Variants in IGF2R observed in about 807,000 individuals in gnomAD.
The protein encoded by IGF2R is cation-independent mannose-6-phosphate receptor.
A neutral mutation model predicts 270.6 loss-of-function variants in IGF2R; 91 were observed. The ratio of observed to expected loss-of-function variants is 0.34; its 90% confidence interval spans 0.28 to 0.40. The LOEUF (loss-of-function observed/expected upper bound fraction) is 0.40, where lower values mean the gene tolerates loss of function less well. IGF2R is among the 10% of genes least tolerant of loss of function. IGF2R has a pLI of 1.00. For missense variants in IGF2R, 2,805 were observed against 3,188.3 expected (o/e 0.88, Z 2.90); for synonymous variants, 1,316 against 1,258.9 (o/e 1.05, Z -0.96).
intron 4 of IGF2R, among the ~76,000 whole-genome samples, chr6:160,014,384 T>G (rs1472213621): frequency 6.6e-6 from 1 of 152,220 alleles, no homozygotes; most frequent in Non-Finnish European, 1.5e-5. Flanking sequence ...TAGCAGGAAG[T>G]GGGAGGGTGT....
At chr6:160,097,541 G>A (rs575793748) in intron 45 of IGF2R, among the ~76,000 whole-genome samples, 4 of 152,298 alleles carry the variant, frequency 2.6e-5, no homozygotes, top group East Asian at 3.9e-4. Flanking sequence ...TGTTGACCAG[G>A]CTGGTCTTGA....
chr6:160,079,468 TTGCTCTTCCTCATGAACC>T, intron 37 of IGF2R, 94 bp from the exon 38 acceptor site: 1 of 712,384 alleles, frequency 1.4e-6, no homozygotes, highest in Non-Finnish European at 2.0e-6. Flanking sequence ...AGAGGAGTCT[TTGCTCTTCCTCATGAACC>T]TGCCTCCAGC....
chr6:160,029,324 A>G (rs1455452743), intron 6 of IGF2R, among the ~76,000 whole-genome samples: 2 of 151,974 alleles, frequency 1.3e-5, no homozygotes, highest in Non-Finnish European at 2.9e-5. Context: ...CACTTTAGAT[A>G]TTTGATTTTT....
rs1343715480 is a variant in IGF2R, at chr6:160,024,568, C to T, written c.514-4C>T. The T allele has an allele frequency of 1.2e-6, 2 of 1,613,928 alleles. No individual in the cohort carries two copies. Among genetic ancestry groups the T allele is most frequent in the Middle Eastern group, 3.3e-4 (2 of 6,026 alleles). ...AGACTCACTTTTTTCTTCCTCCCTTCCAGGTGCCATGCTATGTGTTTGATG... is the reference window on the plus strand; with the variant it reads ...AGACTCACTTTTTTCTTCCTCCCTTTCAGGTGCCATGCTATGTGTTTGATG... On this transcript the variant is annotated splice_polypyrimidine_tract_variant and splice_region_variant and intron_variant, in intron 4 of 47. Transcript: ENST00000356956.
At position 160,102,844 on chromosome 6, in the gene IGF2R, A is replaced by G. The variant is rs990428214; in HGVS notation, c.6995+173A>G. Among the ~76,000 whole-genome samples, 6 of 152,136 alleles carry G rather than the reference A, an allele frequency of 3.9e-5. No individual in the cohort carries two copies. Among genetic ancestry groups the G allele is most frequent in the Non-Finnish European group, 7.4e-5 (5 of 68,022 alleles). ...CAGTCCCCAGCGTTGTGGTTTTTAA[A>G]TGCCTGCATTTCTGTCTGACCAAGG... On this transcript the variant is annotated intron_variant, in intron 46 of 47. Coordinates refer to ENST00000356956, the MANE Select transcript of IGF2R (RefSeq NM_000876.4). This position sits in a 1 kb window ranked among gnomAD's most constrained non-coding sequence, Gnocchi z 4.5.
intron 29 of IGF2R, among the ~76,000 whole-genome samples, chr6:160,066,241 T>A (rs923445366): frequency 2.6e-5 from 4 of 152,036 alleles, no homozygotes; most frequent in African/African-American, 9.7e-5. Flanking sequence ...GGTCTCGAAC[T>A]CTTGACCTCG....
intron 39 of IGF2R, 103 bp from the exon 40 acceptor site, chr6:160,083,847 T>G: frequency 2.4e-6 from 2 of 828,178 alleles, no homozygotes; most frequent in Non-Finnish European, 4.0e-6. Flanking sequence ...AAAGCAATTG[T>G]TTAAAGTACA....
At chr6:160,065,802 GTGTGTGTGTGTGTATATA>G (rs1249422997) in intron 29 of IGF2R, among the ~76,000 whole-genome samples, 1 of 61,700 alleles carries the variant, frequency 1.6e-5, no homozygotes, top group African/African-American at 7.6e-5. Context: ...GTGTGTGTGT[GTGTGTGTGTGTGTATATA>G]TATATATATA....
At chr6:160,040,868 A>G (rs1777930487) in intron 11 of IGF2R, 144 bp downstream of exon 11, 2 of 772,372 alleles carry the variant, frequency 2.6e-6, no homozygotes, top group Non-Finnish European at 2.1e-6. Context: ...TGGCTGTGTG[A>G]ATTATTAGAA....
At chr6:160,016,740 A>G (rs534822590) in intron 4 of IGF2R, among the ~76,000 whole-genome samples, 19 of 152,374 alleles carry the variant, frequency 1.2e-4, no homozygotes, top group Admixed American at 6.5e-4. Flanking sequence ...TGTTTGAGAA[A>G]GTCACCACAC....
At chr6:160,064,094 T>C (rs561781993) in intron 27 of IGF2R, among the ~76,000 whole-genome samples, 18 of 152,338 alleles carry the variant, frequency 1.2e-4, no homozygotes, top group Admixed American at 8.5e-4. Context: ...TCAAAGTAGC[T>C]GGTGGTGAGT....
chr6:160,050,543 G>C lies in IGF2R; in HGVS notation c.2585G>C (p.Ser862Thr). ...AAGACCGGCCCGGTGGTTGAGGACA[G>C]CGGCAGCCTCCTTCTGGAATACGTG... is the stretch of plus-strand genomic sequence containing the variant. ...MAKTGPVVED[S>T]GSLLLEYVNG... The change falls in exon 19 of 48, where the codon AGC becomes ACC. Residue 862 changes from serine to threonine, a missense_variant. Transcript: ENST00000356956. This position sits in a 1 kb window ranked among gnomAD's most constrained non-coding sequence, Gnocchi z 4.0. 6.2e-7 allele frequency: 1 copy of C among 1,614,140 alleles called. No individual in the cohort carries two copies.
Position 160,044,579 on chromosome 6 carries a change from C to A in IGF2R, c.1687C>A (p.Gln563Lys). 1.2e-6 allele frequency: 2 copies of A among 1,607,940 alleles called. No homozygotes were observed. Among genetic ancestry groups the A allele is most frequent in the Non-Finnish European group, 1.7e-6 (2 of 1,175,164 alleles). Residue 563 changes from glutamine to lysine, a missense_variant, in exon 13 of 48, where the codon CAA (glutamine) becomes AAA (lysine). This residue lies in a region of IGF2R where 954 missense variants were observed against 981.1 expected (regional missense o/e 0.97). Transcript: ENST00000356956. ...SSPMKEKGNI[Q>K]LSYSDGDDCG... The stretch of plus-strand genomic sequence containing the variant: ...TCCCATGAAAGAGAAAGGAAACATT[C>A]AACTCTCTTATTCAGATGGTGATGA...
intron 1 of IGF2R, among the ~76,000 whole-genome samples, chr6:159,970,044 T>TCTCTGAG (rs1483527454): frequency 6.6e-6 from 1 of 152,146 alleles, no homozygotes; most frequent in Non-Finnish European, 1.5e-5. Flanking sequence ...ACCCTTCACT[T>TCTCTGAG]CTCTGAGCCC....
chr6:160,101,089 G>A (rs1463331757), intron 45 of IGF2R, among the ~76,000 whole-genome samples: 5 of 151,446 alleles, frequency 3.3e-5, no homozygotes, highest in Admixed American at 2.6e-4. Context: ...ACTGTGCTCG[G>A]CCTAAGTCAG....
rs758401709 is a variant in IGF2R at position 160,089,218 on chromosome 6, T to C, written c.6432T>C (p.Asn2144=). 2 of 1,611,936 alleles carry C rather than the reference T, an allele frequency of 1.2e-6. No homozygotes were observed. Among genetic ancestry groups the C allele is most frequent in the Admixed American group, 3.3e-5 (2 of 59,872 alleles). The change falls in exon 43 of 48, where the codon AAT becomes AAC. Residue 2144 remains asparagine (N), a synonymous_variant. Transcript: ENST00000356956. Reference sequence around the variant, plus strand: ...ATGGGACCATCACCAACCCTATAAATGGCAAGAGCTTCAGCCTCGGAGATA... The same window carrying C: ...ATGGGACCATCACCAACCCTATAAACGGCAAGAGCTTCAGCCTCGGAGATA... ...MVNGTITNPI[N]GKSFSLGDIY...
chr6:160,060,765 T>G, intron 23 of IGF2R, 48 bp downstream of exon 23: 1 of 1,567,294 alleles, frequency 6.4e-7, no homozygotes, highest in Non-Finnish European at 8.8e-7. Flanking sequence ...AGAGTCAGTG[T>G]GTGTGTGAGT....
chr6:160,025,167 T>G (rs1777532427), intron 5 of IGF2R, among the ~76,000 whole-genome samples: 3 of 152,252 alleles, frequency 2.0e-5, no homozygotes, highest in Admixed American at 2.0e-4. Flanking sequence ...AAGCTTTAGC[T>G]TAAGCTTTAG....
At chr6:160,080,384 T>G in intron 39 of IGF2R, 109 bp downstream of exon 39, 44 of 1,070,472 alleles carry the variant, frequency 4.1e-5, no homozygotes, top group Non-Finnish European at 5.8e-5. Context: ...AGGAATTCTC[T>G]TGCATAAAAT....
Sources: gnomAD v4.1 joint callset for allele counts (sites outside exome capture counted in the v4.1 genomes callset) on GRCh38, gnomAD v4.1.1 for gene constraint, gnomAD v4.1.1 regional missense constraint, Gnocchi (gnomAD v3.1) non-coding constraint, MANE v1.5 for transcripts, NCBI Gene and HGNC (gene_info 2026-07-23, HGNC 2026-07-21) for gene names.